Variants in ROBO2 observed in about 807,000 individuals in gnomAD.
ROBO2 encodes roundabout homolog 2.
ROBO2 carries 53 observed loss-of-function variants against 160.8 expected under a neutral mutation model. The observed-to-expected ratio is 0.33, with a 90% CI of 0.26 to 0.41. The LOEUF is 0.41. ROBO2 is among the 10% of genes least tolerant of loss of function. The probability of loss-of-function intolerance (pLI) is 1.00; values close to 1 mark genes in which losing one functional copy is unlikely to be tolerated. For missense variants in ROBO2, 1,577 were observed against 1,722.4 expected, an observed-to-expected ratio of 0.92 and a Z score of 1.49; for synonymous variants, 664 against 611.7, an observed-to-expected ratio of 1.09 and a Z score of -1.26.
chr3:75,977,112 G>A (rs2065153215), intron 2 of ROBO2, among the ~76,000 whole-genome samples: 1 of 151,412 alleles, frequency 6.6e-6, no homozygotes, highest in African/African-American at 2.4e-5. Context: ...ATATGATATG[G>A]TTAAAAGCAA....
At chr3:76,877,591 C>T (rs572833419) in intron 2 of ROBO2, among the ~76,000 whole-genome samples, 4 of 152,288 alleles carry the variant, frequency 2.6e-5, no homozygotes, top group African/African-American at 9.6e-5. Context: ...CTCTGTTCCA[C>T]TTTGTATCTT....
chr3:76,737,395 C>T (rs1175919776), intron 2 of ROBO2, among the ~76,000 whole-genome samples: 4 of 150,798 alleles, frequency 2.7e-5, no homozygotes, highest in Non-Finnish European at 4.4e-5. Flanking sequence ...TCCTCAATTT[C>T]GTTTGTAAAT....
chr3:76,706,204 A>G (rs6777565), intron 2 of ROBO2, among the ~76,000 whole-genome samples: 9,403 of 152,186 alleles, frequency 0.062, 867 homozygotes, highest in African/African-American at 0.2. Context: ...CAGAAACACA[A>G]AATAGAATTT....
At chr3:76,202,707 T>TG (rs1429212779) in intron 2 of ROBO2, among the ~76,000 whole-genome samples, 1 of 152,052 alleles carries the variant, frequency 6.6e-6, no homozygotes, top group Admixed American at 6.6e-5. Flanking sequence ...GTTATGGGTG[T>TG]GGGTGTTTGT....
intron 2 of ROBO2, among the ~76,000 whole-genome samples, chr3:76,740,355 T>G (rs546708155): frequency 6.6e-6 from 1 of 152,350 alleles, no homozygotes; most frequent in South Asian, 2.1e-4. Context: ...TGTTGCGTTA[T>G]ACTGTCTTCT....
chr3:76,448,322 A>G (rs1206400478), intron 2 of ROBO2, among the ~76,000 whole-genome samples: 3 of 152,114 alleles, frequency 2.0e-5, no homozygotes, highest in Non-Finnish European at 4.4e-5. Flanking sequence ...TAGAAATCTG[A>G]TATATCTTGC....
At chr3:76,804,774 A>G (rs2064539722) in intron 2 of ROBO2, among the ~76,000 whole-genome samples, 1 of 152,176 alleles carries the variant, frequency 6.6e-6, no homozygotes, top group Non-Finnish European at 1.5e-5. Context: ...AGTACTAACT[A>G]TGAGCCAGTT....
At chr3:76,107,096 A>G (rs913203267) in intron 2 of ROBO2, among the ~76,000 whole-genome samples, 2 of 152,152 alleles carry the variant, frequency 1.3e-5, no homozygotes, top group African/African-American at 4.8e-5. Flanking sequence ...TATAGCTTTC[A>G]AAAACATTCT....
At position 76,596,440 on chromosome 3, in the gene ROBO2, C is replaced by A. The variant is rs1045461348; in HGVS notation, c.110-501574C>A. On this transcript the variant is annotated intron_variant, in intron 2 of 26. Transcript: ENST00000487694. ...AGAATCCAGTGGGATGTGTTTTGAGCAGTGAAAAGAATGGAAAACCGGCAG... is the reference window on the plus strand; with the variant it reads ...AGAATCCAGTGGGATGTGTTTTGAGAAGTGAAAAGAATGGAAAACCGGCAG... 1.9e-4 allele frequency among the ~76,000 whole-genome samples: 29 copies of A among 152,002 alleles called. 1 individual carries two copies. The highest frequency in any genetic ancestry group is 1.6e-3 in the Admixed American group (24 of 15,230).
chr3:76,967,324 G>GT (rs1048492546), intron 2 of ROBO2, among the ~76,000 whole-genome samples: 1 of 150,680 alleles, frequency 6.6e-6, no homozygotes, highest in African/African-American at 2.4e-5. Context: ...TTCCACCCCA[G>GT]ACTTCCAAGT....
Position 77,482,235 on chromosome 3 carries a change from A to G in ROBO2, c.667+1016A>G, listed in dbSNP as rs533238254. ...ATTATTTTTCAGTAGCGGTAAAATAATCCTCTACTTCTGTGCATGATTTAA... is the reference window on the plus strand; with the variant it reads ...ATTATTTTTCAGTAGCGGTAAAATAGTCCTCTACTTCTGTGCATGATTTAA... On this transcript the variant is annotated intron_variant, in intron 4 of 25. Transcript: ENST00000461745. Among the ~76,000 whole-genome samples, 4 of 152,258 alleles carry G rather than the reference A, an allele frequency of 2.6e-5. 1 individual carries two copies. The South Asian group carries it at 6.2e-4, about 24-fold the overall frequency.
chr3:77,095,331 A>G (rs765444723), intron 1 of ROBO2, among the ~76,000 whole-genome samples: 1 of 152,102 alleles, frequency 6.6e-6, no homozygotes, highest in Non-Finnish European at 1.5e-5. Flanking sequence ...GTTTAATTTT[A>G]TTGCTAAATA....
chr3:76,734,158 C>T (rs2093675843), intron 2 of ROBO2, among the ~76,000 whole-genome samples: 1 of 152,086 alleles, frequency 6.6e-6, no homozygotes, highest in African/African-American at 2.4e-5. Flanking sequence ...ACAAAAACGT[C>T]TAGCCCATAA....
chr3:77,597,320 T>TC (rs2094329439), intron 19 of ROBO2, among the ~76,000 whole-genome samples: 1 of 151,484 alleles, frequency 6.6e-6, no homozygotes, highest in African/African-American at 2.4e-5. Context: ...AATAAATAAA[T>TC]AAATAAAAAA....
intron 2 of ROBO2, among the ~76,000 whole-genome samples, chr3:76,563,819 A>C (rs1465736933): frequency 6.6e-6 from 1 of 152,222 alleles, no homozygotes; most frequent in Non-Finnish European, 1.5e-5. Context: ...ACCTTAAGCA[A>C]TTTTTTAAAC....
intron 2 of ROBO2, among the ~76,000 whole-genome samples, chr3:76,262,910 T>C (rs183012748): frequency 4.2e-4 from 64 of 152,222 alleles, no homozygotes; most frequent in Middle Eastern, 3.4e-3. Flanking sequence ...ATTTAAAAAG[T>C]TGGAAATTCA....
rs762131384 is a variant in ROBO2, at chr3:77,542,651, A to G, written c.935-3687A>G. 8.9e-4 allele frequency among the ~76,000 whole-genome samples: 135 copies of G among 152,180 alleles called. 1 individual carries two copies. Among genetic ancestry groups the G allele is most frequent in the Non-Finnish European group, 1.7e-3 (116 of 68,036 alleles). On this transcript the variant is annotated intron_variant, in intron 6 of 25. Transcript: ENST00000461745. ...TAATTTCCTGTCCTTTTTAGATTAT[A>G]CCATCAGTGGTAAATATTATGTTTT...
At chr3:77,467,631 C>CT (rs78380661) in intron 2 of ROBO2, among the ~76,000 whole-genome samples, 4,444 of 143,134 alleles carry the variant, frequency 0.031, 87 homozygotes, top group East Asian at 0.092. Flanking sequence ...ATCTATCTAT[C>CT]ATCTATCTAT....
At chr3:76,805,112 T>C (rs1315043926) in intron 2 of ROBO2, among the ~76,000 whole-genome samples, 1 of 152,140 alleles carries the variant, frequency 6.6e-6, no homozygotes, top group African/African-American at 2.4e-5. Flanking sequence ...AGGCTCAGGG[T>C]AAATGTTTGT....
Sources: gnomAD v4.1 joint callset for allele counts (sites outside exome capture counted in the v4.1 genomes callset) on GRCh38, gnomAD v4.1.1 for gene constraint, MANE v1.5 for transcripts, NCBI Gene and HGNC (gene_info 2026-07-23, HGNC 2026-07-21) for gene names.